C8orf34: variants seen among roughly 807,000 people sequenced by gnomAD.
C8orf34 encodes chromosome 8 open reading frame 34.
A neutral mutation model predicts 68.3 loss-of-function variants in C8orf34; 65 were observed. The ratio of observed to expected loss-of-function variants is 0.95; its 90% CI spans 0.78 to 1.17. C8orf34 has a LOEUF of 1.17. Ranked by LOEUF, C8orf34 falls within the 50% of genes most tolerant of loss-of-function variation. The pLI is 0.00. For synonymous variants in C8orf34, 244 were observed against 241.2 expected (o/e 1.01, Z -0.11); for missense variants, 664 against 655.4 (o/e 1.01, Z -0.14).
At chr8:68,748,263 G>A (rs1399593620) in intron 10 of C8orf34, among the ~76,000 whole-genome samples, 1 of 141,024 alleles carries the variant, frequency 7.1e-6, no homozygotes, top group Admixed American at 7.1e-5. Context: ...TTAAACATTA[G>A]ACCTAAAACC....
intron 10 of C8orf34, among the ~76,000 whole-genome samples, chr8:68,772,699 C>T (rs1046210355): frequency 6.7e-6 from 1 of 148,546 alleles, no homozygotes; most frequent in African/African-American, 2.5e-5. Flanking sequence ...CCCTCCCTCC[C>T]TCCCTCTCTT....
At chr8:68,376,514 T>A (rs1444177629) in intron 1 of C8orf34, among the ~76,000 whole-genome samples, 1 of 152,014 alleles carries the variant, frequency 6.6e-6, no homozygotes, top group African/African-American at 2.4e-5. Flanking sequence ...TGGACTGTAG[T>A]CGGACCCAGA....
intron 7 of C8orf34, among the ~76,000 whole-genome samples, chr8:68,613,752 A>C (rs184907903): frequency 5.9e-5 from 9 of 151,326 alleles, no homozygotes; most frequent in South Asian, 2.1e-4. Flanking sequence ...ATAAATATAC[A>C]TGTGCATGTG....
At chr8:68,721,499 T>C in intron 10 of C8orf34, 62 bp downstream of exon 10, 3 of 1,048,270 alleles carry the variant, frequency 2.9e-6, no homozygotes, top group South Asian at 2.8e-5. Flanking sequence ...TACTAGTAGG[T>C]AAATCTAAAT....
rs146970852 is a variant in C8orf34, at chr8:68,525,409, C to T, written c.938+3438C>T. 605 of 388,662 alleles carry T rather than the reference C, an allele frequency of 1.6e-3. 2 individuals are homozygous for T. Among genetic ancestry groups the T allele is most frequent in the Middle Eastern group, 9.2e-3 (12 of 1,310 alleles). 24.1% of individuals were successfully genotyped at this position (388,662 alleles called of 1,614,324 possible). On this transcript the variant is annotated intron_variant, in intron 6 of 13. Coordinates refer to ENST00000518698, the MANE Select transcript of C8orf34 (RefSeq NM_052958.4). ...TCTAAAACACACAAAAATTATACCT[C>T]ATAACTTATAAATTTCTTAATTTCT... is the stretch of plus-strand genomic sequence containing the variant.
intron 8 of C8orf34, among the ~76,000 whole-genome samples, chr8:68,662,570 C>A (rs6472415): frequency 0.67 from 102,471 of 152,094 alleles, 36,132 homozygotes; most frequent in African/African-American, 0.89. Context: ...CTGCCATGTA[C>A]GATGTGTCTT....
intron 1 of C8orf34, among the ~76,000 whole-genome samples, chr8:68,420,336 C>A (rs756600928): frequency 6.6e-6 from 1 of 152,066 alleles, no homozygotes; most frequent in Non-Finnish European, 1.5e-5. Flanking sequence ...ACAAAAGCTA[C>A]ATTCTATATT....
intron 1 of C8orf34, among the ~76,000 whole-genome samples, chr8:68,373,268 T>C (rs1807641008): frequency 6.6e-6 from 1 of 152,208 alleles, no homozygotes; most frequent in Non-Finnish European, 1.5e-5. Flanking sequence ...TTGCTGGAAT[T>C]ACAGGCATGA....
chr8:68,419,988 A>G (rs1335890161), intron 1 of C8orf34, among the ~76,000 whole-genome samples: 1 of 151,414 alleles, frequency 6.6e-6, no homozygotes, highest in African/African-American at 2.4e-5. Context: ...TAATAAAAAA[A>G]AAAAAGAAAA....
At chr8:68,331,853 CT>C (rs1805624668) in intron 1 of C8orf34, among the ~76,000 whole-genome samples, 1 of 108,380 alleles carries the variant, frequency 9.2e-6, no homozygotes, top group East Asian at 3.0e-4. Context: ...GGAGGAGGTG[CT>C]TAGCAGTTAA....
chr8:68,356,430 C>T (rs1427155387), intron 1 of C8orf34, among the ~76,000 whole-genome samples: 1 of 152,068 alleles, frequency 6.6e-6, no homozygotes, highest in Admixed American at 6.6e-5. Flanking sequence ...ATATTTGGGA[C>T]ATTCCCTACT....
intron 10 of C8orf34, among the ~76,000 whole-genome samples, chr8:68,772,176 G>A (rs1374723773): frequency 6.6e-6 from 1 of 152,134 alleles, no homozygotes; most frequent in Non-Finnish European, 1.5e-5. Context: ...AATTATTCTG[G>A]TAGAAGTAGG....
In C8orf34 at chr8:68,640,492, A is replaced by ATC; in HGVS notation, c.1224_1225dup (p.Cys409SerfsTer45). 6.2e-7 allele frequency: 1 copy of ATC among 1,613,860 alleles called. No individual in the cohort carries two copies. Among genetic ancestry groups the ATC allele is most frequent in the East Asian group, 2.2e-5 (1 of 44,864 alleles). ...GCCTCAGGCCAAGGTCACACTGAAC[A>ATC]TCTGTTCAAGGTGTGCCAGGTAAAA... On this transcript the variant is annotated frameshift_variant, in exon 8 of 14. Coordinates refer to ENST00000518698, the MANE Select transcript of C8orf34 (RefSeq NM_052958.4). LOFTEE classifies it high-confidence loss of function.
At chr8:68,512,252 A>T (rs6472401) in intron 5 of C8orf34, among the ~76,000 whole-genome samples, 33,716 of 152,186 alleles carry the variant, frequency 0.22, 5,738 homozygotes, top group African/African-American at 0.48. Flanking sequence ...TACTTAGACA[A>T]TAGAATTTTA....
In C8orf34 at chr8:68,331,143, A is replaced by C. The variant is rs952160681; in HGVS notation, c.131A>C (p.His44Pro). 16 of 1,525,326 alleles carry C rather than the reference A, an allele frequency of 1.0e-5. No individual in the cohort carries two copies. Among genetic ancestry groups the C allele is most frequent in the Non-Finnish European group, 1.4e-5 (16 of 1,140,400 alleles). The allele number at this position is 1,525,326 out of a possible 1,614,324, so 94.5% of individuals were successfully genotyped here. A position where few individuals can be genotyped will look rare whatever the true frequency, so the allele number is the denominator to read the frequency against. ...THARGRGRAS[H>P]AGQPRLRSSC... ...GCCCGCGGCCGGGGCCGAGCCAGCC[A>C]CGCAGGGCAGCCGAGGCTCCGGAGC... The change falls in exon 1 of 14, where the codon CAC becomes CCC. Residue 44 changes from histidine to proline, a missense_variant. Coordinates refer to ENST00000518698, the MANE Select transcript of C8orf34 (RefSeq NM_052958.4).
intron 1 of C8orf34, among the ~76,000 whole-genome samples, chr8:68,388,341 T>C (rs1808346008): frequency 6.6e-6 from 1 of 152,176 alleles, no homozygotes; most frequent in African/African-American, 2.4e-5. Flanking sequence ...ATAGCTTTCC[T>C]TCTCTAGAGT....
intron 1 of C8orf34, among the ~76,000 whole-genome samples, chr8:68,393,232 T>C (rs1284294619): frequency 6.6e-6 from 1 of 152,128 alleles, no homozygotes; most frequent in Non-Finnish European, 1.5e-5. Flanking sequence ...TTCTAATATT[T>C]TCCACACATT....
At chr8:68,787,829 G>A (rs1342374682) in intron 12 of C8orf34, among the ~76,000 whole-genome samples, 1 of 152,052 alleles carries the variant, frequency 6.6e-6, no homozygotes, top group Non-Finnish European at 1.5e-5. Flanking sequence ...AATAGTCTAC[G>A]ATTACATCAG....
intron 7 of C8orf34, among the ~76,000 whole-genome samples, chr8:68,538,293 C>T (rs1220599988): frequency 1.3e-5 from 2 of 152,002 alleles, no homozygotes; most frequent in Non-Finnish European, 2.9e-5. Context: ...GGTATATGGC[C>T]AAAGCACCAG....
Sources: allele counts gnomAD v4.1 joint callset (sites outside exome capture counted in the v4.1 genomes callset), GRCh38; gene constraint gnomAD v4.1.1; transcripts MANE v1.5; gene names NCBI Gene and HGNC (gene_info 2026-07-23, HGNC 2026-07-21).